The following ROCK1 variants were observed in gnomAD, a reference collection of about 807,000 sequenced individuals.
The protein encoded by ROCK1 is Rho associated coiled-coil containing protein kinase 1, also known as rho-associated protein kinase 1.
Under a neutral mutation model 196.8 loss-of-function variants are expected in ROCK1, and 36 were observed. The observed-to-expected ratio is 0.18, with a 90% CI of 0.14 to 0.24. The LOEUF is 0.24. ROCK1 is among the 10% of genes least tolerant of loss of function. ROCK1 has a pLI of 1.00. For synonymous variants in ROCK1, 443 were observed against 515.9 expected (o/e 0.86, Z 1.91); for missense variants, 920 against 1,562.0 (o/e 0.59, Z 6.93).
intron 27 of ROCK1, among the ~76,000 whole-genome samples, chr18:20,963,053 A>G (rs2035341917): frequency 1.3e-5 from 2 of 152,144 alleles, no homozygotes. Context: ...ACAAGCACAG[A>G]AAACAGCTTC....
At chr18:20,985,297 G>A (rs547072276) in intron 19 of ROCK1, among the ~76,000 whole-genome samples, 1 of 152,238 alleles carries the variant, frequency 6.6e-6, no homozygotes, top group Admixed American at 6.5e-5. Flanking sequence ...GGTTTACAAT[G>A]GCCTTCATGA....
intron 26 of ROCK1, 100 bp from the exon 27 acceptor site, chr18:20,967,176 A>G (rs772245955): frequency 3.8e-6 from 3 of 791,732 alleles, no homozygotes; most frequent in Non-Finnish European, 6.1e-6. Flanking sequence ...CTAAAAATGT[A>G]CAGTAAACTT....
intron 9 of ROCK1, among the ~76,000 whole-genome samples, chr18:21,039,144 T>A (rs141370427): frequency 7.2e-5 from 11 of 152,286 alleles, no homozygotes; most frequent in African/African-American, 2.4e-4. Context: ...TTTAATCTCA[T>A]TACTTACTAC....
intron 1 of ROCK1, among the ~76,000 whole-genome samples, chr18:21,101,737 C>A (rs1419024887): frequency 1.3e-5 from 2 of 152,022 alleles, no homozygotes; most frequent in African/African-American, 4.8e-5. Flanking sequence ...GATCCAGATT[C>A]TAATAAAGCA....
intron 16 of ROCK1, among the ~76,000 whole-genome samples, chr18:20,995,927 C>A (rs1222913777): frequency 6.6e-6 from 1 of 152,118 alleles, no homozygotes; most frequent in Admixed American, 6.5e-5. Flanking sequence ...ACCTGGAAAG[C>A]CTTTCCAAAA....
intron 3 of ROCK1, 109 bp from the exon 4 acceptor site, chr18:21,049,338 T>C: frequency 2.4e-6 from 2 of 831,474 alleles, no homozygotes; most frequent in Admixed American, 2.9e-5. Context: ...TAATTTAGCC[T>C]TACTGTTTCA....
chr18:20,987,793 T>G (rs2035590013), intron 18 of ROCK1, among the ~76,000 whole-genome samples: 1 of 152,132 alleles, frequency 6.6e-6, no homozygotes, highest in African/African-American at 2.4e-5. Flanking sequence ...ATAAATAAAC[T>G]ATTCCTTATC....
At chr18:21,065,118 C>G (rs2036322789) in intron 2 of ROCK1, among the ~76,000 whole-genome samples, 1 of 152,192 alleles carries the variant, frequency 6.6e-6, no homozygotes, top group Admixed American at 6.6e-5. Context: ...TTGAGAAACC[C>G]TGGTCTAAAG....
At chr18:20,982,879 T>C (rs749325208) in intron 20 of ROCK1, 47 bp from the exon 21 acceptor site, 1 of 792,932 alleles carries the variant, frequency 1.3e-6, no homozygotes, top group Non-Finnish European at 2.1e-6. Flanking sequence ...CTACTTATAC[T>C]AGACTTCATT....
rs116289106 is a variant in ROCK1, at chr18:21,066,036, A to G, written c.175+4496T>C. On this transcript the variant is annotated intron_variant, in intron 2 of 32. Transcript: ENST00000399799. ...ATATTCTTAGATCACTACATCTGATATATGTCAGCAAAAAGCAATTAGAAA... is the reference window on the plus strand; with the variant it reads ...ATATTCTTAGATCACTACATCTGATGTATGTCAGCAAAAAGCAATTAGAAA... Among the ~76,000 whole-genome samples the G allele has an allele frequency of 8.2e-3, 1,249 of 152,312 alleles. 17 individuals carry two copies. Among genetic ancestry groups the G allele is most frequent in the African/African-American group, 0.028 (1,173 of 41,578 alleles).
chr18:20,993,212 CTTT>C, intron 16 of ROCK1, among the ~76,000 whole-genome samples: 1 of 151,346 alleles, frequency 6.6e-6, no homozygotes, highest in Non-Finnish European at 1.5e-5. Context: ...TTACTGAGTG[CTTT>C]TTTTTTGAGA....
intron 2 of ROCK1, among the ~76,000 whole-genome samples, chr18:21,068,154 G>A (rs1026933604): frequency 6.6e-6 from 1 of 152,134 alleles, no homozygotes; most frequent in African/African-American, 2.4e-5. Context: ...TAAGGAAAGT[G>A]GCAAATATGT....
intron 2 of ROCK1, among the ~76,000 whole-genome samples, chr18:21,052,388 G>C (rs2036211014): frequency 1.3e-5 from 2 of 152,140 alleles, no homozygotes; most frequent in African/African-American, 4.8e-5. Flanking sequence ...CAAATCTCAG[G>C]ATCTTAAACG....
intron 23 of ROCK1, among the ~76,000 whole-genome samples, chr18:20,969,539 T>C (rs1370135376): frequency 1.3e-5 from 2 of 152,338 alleles, no homozygotes; most frequent in South Asian, 2.1e-4. Flanking sequence ...GAGCAAGTCA[T>C]ACTTTTTCTG....
chr18:21,068,387 T>C (rs552852988), intron 2 of ROCK1, among the ~76,000 whole-genome samples: 1 of 152,354 alleles, frequency 6.6e-6, no homozygotes, highest in Non-Finnish European at 1.5e-5. Flanking sequence ...ATCAAGACTA[T>C]ACTGTCTTGA....
At chr18:21,088,262 G>A (rs541838728) in intron 1 of ROCK1, among the ~76,000 whole-genome samples, 8 of 152,340 alleles carry the variant, frequency 5.3e-5, no homozygotes, top group Admixed American at 3.3e-4. Flanking sequence ...GGGAGGCTGA[G>A]GTGGAAGGAT....
At chr18:21,080,636 A>T (rs1349637067) in intron 1 of ROCK1, among the ~76,000 whole-genome samples, 1 of 152,182 alleles carries the variant, frequency 6.6e-6, no homozygotes, top group Admixed American at 6.5e-5. Flanking sequence ...CAAATGGTTA[A>T]AAGTGAAAGA....
rs537941589 is a variant in ROCK1, at chr18:21,094,248, T to C, written c.93+16570A>G. Among the ~76,000 whole-genome samples, 14 of 152,290 alleles carry C rather than the reference T, an allele frequency of 9.2e-5. No individual in the cohort carries two copies. The South Asian group carries it at 2.7e-3, about 29-fold the overall frequency. The stretch of plus-strand genomic sequence containing the variant: ...GCCCAAATTCTAGTTTTTACTGAAG[T>C]TCAACTTAATCTTTACCTTTAATGA... On this transcript the variant is annotated intron_variant, in intron 1 of 32. Coordinates refer to ENST00000399799, the MANE Select transcript of ROCK1 (RefSeq NM_005406.3).
intron 13 of ROCK1, among the ~76,000 whole-genome samples, chr18:21,008,754 C>G (rs1261716557): frequency 3.3e-5 from 5 of 152,164 alleles, no homozygotes; most frequent in Admixed American, 6.5e-5. Context: ...CTTTCTGATT[C>G]TAAGAGTTTA....
Sources: allele counts gnomAD v4.1 joint callset (sites outside exome capture counted in the v4.1 genomes callset), GRCh38; gene constraint gnomAD v4.1.1; transcripts MANE v1.5; gene names NCBI Gene and HGNC (gene_info 2026-07-23, HGNC 2026-07-21).